Variants in FRMD5 observed in about 807,000 individuals in gnomAD.
FRMD5 encodes FERM domain-containing protein 5.
In FRMD5, 20 loss-of-function variants were observed where a neutral mutation model predicts 69.0. That is an observed-to-expected ratio of 0.29 (90% CI 0.20 to 0.42). The LOEUF (loss-of-function observed/expected upper bound fraction) is 0.42, where lower values mean the gene tolerates loss of function less well. Among genes scored for constraint, FRMD5 ranks in the 10% least tolerant of loss-of-function variants. The probability of loss-of-function intolerance (pLI) is 1.00; values close to 1 mark genes in which losing one functional copy is unlikely to be tolerated. For missense variants in FRMD5, 595 were observed against 708.6 expected (o/e 0.84, Z 1.82); for synonymous variants, 271 against 260.1 (o/e 1.04, Z -0.40).
intron 1 of FRMD5, among the ~76,000 whole-genome samples, chr15:44,014,188 G>A (rs1380840057): frequency 1.3e-5 from 2 of 152,102 alleles, no homozygotes; most frequent in Non-Finnish European, 2.9e-5. Flanking sequence ...GACAGAGACT[G>A]GCATGAGAGG....
chr15:44,189,558 G>T (rs901766101), intron 1 of FRMD5, among the ~76,000 whole-genome samples: 1 of 150,546 alleles, frequency 6.6e-6, no homozygotes, highest in Admixed American at 6.7e-5. Context: ...GTGCTATCTC[G>T]GCTCACTGCA....
At chr15:43,935,146 T>C (rs555273678) in intron 1 of FRMD5, among the ~76,000 whole-genome samples, 2 of 152,328 alleles carry the variant, frequency 1.3e-5, no homozygotes, top group African/African-American at 4.8e-5. Context: ...ACATGTGGTA[T>C]TTCAGTGGCT....
chr15:44,176,769 A>G (rs752398517), intron 1 of FRMD5, among the ~76,000 whole-genome samples: 2 of 152,164 alleles, frequency 1.3e-5, no homozygotes, highest in African/African-American at 2.4e-5. Context: ...CAGTAAACAT[A>G]CGAAAAGATG....
rs115489154 is a variant in FRMD5, at chr15:44,195,241, T to A, written c.-187A>T. On this transcript the variant is annotated 5_prime_UTR_variant, in exon 1 of 14. Transcript: ENST00000417257. ...CCTCCTTCCCTCAGCCGCCACCGCCTCCCCCCAGCCCAGATCAAGCGCCGG... is the reference window on the plus strand; with the variant it reads ...CCTCCTTCCCTCAGCCGCCACCGCCACCCCCCAGCCCAGATCAAGCGCCGG... 1,700 of 529,840 alleles carry A rather than the reference T, an allele frequency of 3.2e-3. 21 individuals carry two copies. Among genetic ancestry groups the A allele is most frequent in the African/African-American group, 0.03 (1,445 of 48,422 alleles). The allele number at this position is 529,840 out of a possible 1,614,324, so 32.8% of individuals were successfully genotyped here. A position where few individuals can be genotyped will look rare whatever the true frequency, so the allele number is the denominator to read the frequency against.
chr15:44,048,146 T>G (rs192847302), intron 1 of FRMD5, among the ~76,000 whole-genome samples: 81 of 152,312 alleles, frequency 5.3e-4, no homozygotes, highest in South Asian at 4.6e-3. Context: ...GCCAAACTGT[T>G]TTCCAAAGTG....
At chr15:43,918,836 C>G (rs560042063) in intron 4 of FRMD5, 1 of 156,484 alleles carries the variant, frequency 6.4e-6, no homozygotes, top group South Asian at 1.9e-4. Context: ...CTTTGAAGCT[C>G]TCACTCACTG....
intron 4 of FRMD5, 143 bp downstream of exon 4, chr15:43,919,316 A>G (rs758771115): frequency 2.5e-6 from 2 of 805,224 alleles, no homozygotes; most frequent in East Asian, 2.4e-5. Context: ...TGGAAATGAA[A>G]TACAGAAGTC....
chr15:44,111,071 C>A (rs191208894), intron 1 of FRMD5, among the ~76,000 whole-genome samples: 63 of 152,270 alleles, frequency 4.1e-4, no homozygotes, highest in African/African-American at 1.5e-3. Context: ...AGAAATTCAA[C>A]CTGCTGTAAA....
rs1268626227 is a variant in FRMD5 at position 44,044,079 on chromosome 15, T to TA, written c.103-119771dup. Among the ~76,000 whole-genome samples the TA allele has an allele frequency of 5.0e-3, 739 of 148,586 alleles. 7 individuals carry two copies. The highest frequency in any genetic ancestry group is 0.017 in the African/African-American group (706 of 40,636). The stretch of plus-strand genomic sequence containing the variant: ...ACAAAGAACTTAAACAAATTTACAA[T>TA]AAAAAAAAACCCCATCAAAAAGTGG... On this transcript the variant is annotated intron_variant, in intron 1 of 13. Coordinates refer to ENST00000417257, the MANE Select transcript of FRMD5 (RefSeq NM_032892.5).
chr15:43,989,817 G>T, intron 1 of FRMD5: 1 of 1,031,542 alleles, frequency 9.7e-7, no homozygotes, highest in Admixed American at 1.7e-5. Context: ...TCTCCAACAT[G>T]ATCTGGGTCA....
At chr15:44,153,631 G>A (rs1416866376) in intron 1 of FRMD5, among the ~76,000 whole-genome samples, 1 of 152,188 alleles carries the variant, frequency 6.6e-6, no homozygotes, top group Admixed American at 6.5e-5. Context: ...GGTGGTAATG[G>A]TTGCACATTA....
chr15:44,157,986 A>G (rs1026672410), intron 1 of FRMD5, among the ~76,000 whole-genome samples: 1 of 152,178 alleles, frequency 6.6e-6, no homozygotes, highest in Non-Finnish European at 1.5e-5. Context: ...TTCAGTGTAA[A>G]TGGAGTGATA....
intron 1 of FRMD5, among the ~76,000 whole-genome samples, chr15:44,016,744 T>C (rs1270855134): frequency 6.6e-6 from 1 of 151,396 alleles, no homozygotes; most frequent in East Asian, 1.9e-4. Flanking sequence ...AAAAAAAAAA[T>C]GAAGACTTGG....
chr15:44,016,595 C>A (rs1324032758), intron 1 of FRMD5, among the ~76,000 whole-genome samples: 2 of 152,038 alleles, frequency 1.3e-5, no homozygotes, highest in East Asian at 3.9e-4. Flanking sequence ...TGTTGGCATG[C>A]ACATGTAGTC....
intron 7 of FRMD5, among the ~76,000 whole-genome samples, chr15:43,900,596 G>A (rs1303617354): frequency 6.6e-6 from 1 of 151,118 alleles, no homozygotes; most frequent in Non-Finnish European, 1.5e-5. Flanking sequence ...TTGTCCCTAT[G>A]TCACTGTGCT....
chr15:44,140,997 C>CT (rs1226444980), intron 1 of FRMD5, among the ~76,000 whole-genome samples: 1 of 28,342 alleles, frequency 3.5e-5, no homozygotes, highest in South Asian at 1.4e-3. Flanking sequence ...CTCTTACATA[C>CT]CGTAATAACC....
At chr15:44,165,814 G>C (rs1196799625) in intron 1 of FRMD5, among the ~76,000 whole-genome samples, 1 of 152,132 alleles carries the variant, frequency 6.6e-6, no homozygotes, top group Non-Finnish European at 1.5e-5. Flanking sequence ...CTGGGCGACA[G>C]AGTGAGACCC....
intron 1 of FRMD5, among the ~76,000 whole-genome samples, chr15:43,927,263 C>T (rs749543138): frequency 1.3e-5 from 2 of 152,210 alleles, no homozygotes; most frequent in African/African-American, 4.8e-5. Context: ...GGAGGTCTCA[C>T]TGGCGTTTGG....
chr15:44,128,039 G>A (rs1566960639), intron 1 of FRMD5, among the ~76,000 whole-genome samples: 1 of 152,166 alleles, frequency 6.6e-6, no homozygotes. Context: ...TGCCAAGAGA[G>A]AGGAAGGTAA....
Sources: gnomAD v4.1 joint callset for allele counts (sites outside exome capture counted in the v4.1 genomes callset) on GRCh38, gnomAD v4.1.1 for gene constraint, MANE v1.5 for transcripts, NCBI Gene and HGNC (gene_info 2026-07-23, HGNC 2026-07-21) for gene names.